Variants in MMS22L observed in about 807,000 individuals in gnomAD.
MMS22L encodes the protein MMS22 like, DNA repair protein.
Under a neutral mutation model 159.1 loss-of-function variants are expected in MMS22L, and 74 were observed. The ratio of observed to expected loss-of-function variants is 0.47; its 90% CI spans 0.39 to 0.56. The LOEUF (loss-of-function observed/expected upper bound fraction) is 0.56, where lower values mean the gene tolerates loss of function less well. Among genes scored for constraint, MMS22L ranks in the 20% least tolerant of loss-of-function variants. MMS22L has a pLI of 0.00. For synonymous variants in MMS22L, 517 were observed against 506.9 expected, an observed-to-expected ratio of 1.02 and a Z score of -0.27; for missense variants, 1,351 against 1,422.1, an observed-to-expected ratio of 0.95 and a Z score of 0.80.
At chr6:97,278,783 G>T in intron 4 of MMS22L, 66 bp downstream of exon 4, 2 of 1,302,188 alleles carry the variant, frequency 1.5e-6, no homozygotes, top group Non-Finnish European at 2.2e-6. Flanking sequence ...TACCATCATG[G>T]ACCCATGTGC....
intron 14 of MMS22L, among the ~76,000 whole-genome samples, chr6:97,218,916 T>C (rs1303331797): frequency 1.3e-5 from 2 of 152,180 alleles, no homozygotes; most frequent in Non-Finnish European, 2.9e-5. Flanking sequence ...CTGTCACACA[T>C]AGCTAGTGCT....
chr6:97,231,710 G>A (rs1810894395), intron 12 of MMS22L, 58 bp from the exon 13 acceptor site: 3 of 1,261,140 alleles, frequency 2.4e-6, no homozygotes, highest in East Asian at 2.5e-5. Flanking sequence ...TAAATAAAAT[G>A]GTAAGCTGCA....
intron 12 of MMS22L, among the ~76,000 whole-genome samples, 173 bp downstream of exon 12, chr6:97,233,688 A>C (rs929321390): frequency 6.6e-6 from 1 of 152,138 alleles, no homozygotes; most frequent in African/African-American, 2.4e-5. Flanking sequence ...CCTTATGACA[A>C]AGCTCTACAA....
chr6:97,153,620 C>T (rs1048217139), intron 22 of MMS22L, among the ~76,000 whole-genome samples: 1 of 152,132 alleles, frequency 6.6e-6, no homozygotes, highest in Non-Finnish European at 1.5e-5. Flanking sequence ...ATTCACCTGC[C>T]TCAGCCTCCC....
Position 97,142,647 on chromosome 6 carries a change from TG to T in MMS22L, c.*4158del, listed in dbSNP as rs1800694876. ...TCTGTATCTATTTACCTTTTAGACA[TG>T]GGGAGACATGAGTGCTATGATAACA... On this transcript the variant is annotated 3_prime_UTR_variant, in exon 25 of 25. Transcript: ENST00000683635. 1 of 152,080 alleles carries T rather than the reference TG, an allele frequency of 6.6e-6. No individual in the cohort carries two copies. The highest frequency in any genetic ancestry group is 1.5e-5 in the Non-Finnish European group (1 of 67,946). The allele number at this position is 152,080 out of a possible 1,614,324, so 9.4% of individuals were successfully genotyped here.
chr6:97,173,747 GA>G (rs564317371), intron 18 of MMS22L, among the ~76,000 whole-genome samples: 1 of 150,282 alleles, frequency 6.7e-6, no homozygotes, highest in Non-Finnish European at 1.5e-5. Flanking sequence ...TAACTTCTTG[GA>G]AAAAAAAAGG....
chr6:97,193,572 T>C (rs1474579298), intron 14 of MMS22L, among the ~76,000 whole-genome samples: 2 of 152,214 alleles, frequency 1.3e-5, no homozygotes, highest in Non-Finnish European at 1.5e-5. Flanking sequence ...CTTGTTATTA[T>C]TGTAAGTAGT....
At chr6:97,196,897 T>G (rs1806582483) in intron 14 of MMS22L, among the ~76,000 whole-genome samples, 1 of 152,164 alleles carries the variant, frequency 6.6e-6, no homozygotes, top group Admixed American at 6.5e-5. Context: ...TATATCTATA[T>G]CTATACATTT....
chr6:97,252,883 G>C (rs1432687728), intron 10 of MMS22L, among the ~76,000 whole-genome samples: 1 of 151,996 alleles, frequency 6.6e-6, no homozygotes, highest in Non-Finnish European at 1.5e-5. Context: ...CTTTAATATA[G>C]TTCTAATATT....
intron 6 of MMS22L, chr6:97,271,678 A>T (rs1815752841): frequency 1.3e-5 from 2 of 151,992 alleles, no homozygotes; most frequent in South Asian, 4.1e-4. Context: ...AATTCTACTT[A>T]TTTTATTTCT....
chr6:97,206,521 TTC>T (rs892973517), intron 14 of MMS22L, among the ~76,000 whole-genome samples: 2 of 152,070 alleles, frequency 1.3e-5, no homozygotes, highest in African/African-American at 2.4e-5. Context: ...TAAAACAAAA[TTC>T]TGTTTTATGT....
chr6:97,273,559 C>A (rs566098465), intron 4 of MMS22L, among the ~76,000 whole-genome samples: 3 of 152,284 alleles, frequency 2.0e-5, no homozygotes, highest in South Asian at 4.1e-4. Flanking sequence ...GCACTCCAGA[C>A]CTTCCGTGTT....
In MMS22L at chr6:97,281,266, A is replaced by G. The variant is rs1202040971; in HGVS notation, c.261T>C (p.Asn87=). Residue 87 remains asparagine, a synonymous_variant, in exon 3 of 25, where the codon AAT becomes AAC. Transcript: ENST00000683635. ...IQWVTETALV[N]SSRELFHLFR... ...ATAAATGAAAGAGTTCTCTAGATGA[A>G]TTCACTAATGCTGTTTCAGTAACCC... The G allele has an allele frequency of 2.0e-5, 33 of 1,609,906 alleles. No individual in the cohort carries two copies. The highest frequency in any genetic ancestry group is 2.8e-5 in the Non-Finnish European group (33 of 1,179,062).
In MMS22L at chr6:97,228,897, A is replaced by AT; in HGVS notation, c.2035dup (p.Ile679AsnfsTer28). 1 of 1,607,884 alleles carries AT rather than the reference A, an allele frequency of 6.2e-7. No homozygotes were observed. The highest frequency in any genetic ancestry group is 8.5e-7 in the Non-Finnish European group (1 of 1,176,626). Reference sequence around the variant, plus strand: ...AGCATACAACTGAAAACCATACCTGATTCTGGCCAGAACAGCTTGTAGGAA... The same window carrying AT: ...AGCATACAACTGAAAACCATACCTGATTTCTGGCCAGAACAGCTTGTAGGAA... On this transcript the variant is annotated frameshift_variant, in exon 14 of 25. Transcript: ENST00000683635. LOFTEE classifies it high-confidence loss of function.
chr6:97,188,515 T>C (rs935258108), intron 14 of MMS22L, among the ~76,000 whole-genome samples: 1 of 152,188 alleles, frequency 6.6e-6, no homozygotes, highest in African/African-American at 2.4e-5. Flanking sequence ...GTAGGAAAGC[T>C]AAATATGCCC....
chr6:97,165,601 T>A, intron 20 of MMS22L, 144 bp from the exon 21 acceptor site: 1 of 699,696 alleles, frequency 1.4e-6, no homozygotes, highest in Non-Finnish European at 2.4e-6. Context: ...AATCCACAGA[T>A]AATGTACATA....
rs1205546967 is a variant in MMS22L, at chr6:97,162,089, A to G, written c.3298T>C (p.Phe1100Leu). The stretch of plus-strand genomic sequence containing the variant: ...TAAATGTCTGTGTTAGTTTCCTTGA[A>G]GAGTTGGAGGATGAAGGCCAGAATG... Reference protein sequence around the residue: ...ASILAFILQLFKETNTDIYEV... With the variant: ...ASILAFILQLLKETNTDIYEV... Residue 1100 changes from phenylalanine to leucine, a missense_variant, in exon 22 of 25, where the codon TTC becomes CTC. Physicochemically the swap from Phe to Leu is conservative, Grantham distance 22. Coordinates refer to ENST00000683635, the MANE Select transcript of MMS22L (RefSeq NM_001350599.2). 3.1e-6 allele frequency: 5 copies of G among 1,612,224 alleles called. No individual in the cohort carries two copies. Among genetic ancestry groups the G allele is most frequent in the East Asian group, 4.5e-5 (2 of 44,816 alleles).
chr6:97,180,953 A>G (rs966663552), intron 16 of MMS22L, among the ~76,000 whole-genome samples: 5 of 152,212 alleles, frequency 3.3e-5, no homozygotes, highest in African/African-American at 1.2e-4. Flanking sequence ...AACTACGTTA[A>G]GATGAGGGAA....
At chr6:97,196,065 T>G (rs1806464314) in intron 14 of MMS22L, among the ~76,000 whole-genome samples, 1 of 152,160 alleles carries the variant, frequency 6.6e-6, no homozygotes, top group Non-Finnish European at 1.5e-5. Context: ...AATCTGGACC[T>G]AGAGTCGAAG....
Sources: allele counts gnomAD v4.1 joint callset (sites outside exome capture counted in the v4.1 genomes callset), GRCh38; gene constraint gnomAD v4.1.1; transcripts MANE v1.5; gene names NCBI Gene and HGNC (gene_info 2026-07-23, HGNC 2026-07-21).